CADPS: variants seen among roughly 807,000 people sequenced by gnomAD.
CADPS encodes the protein calcium-dependent secretion activator 1.
Under a neutral mutation model 167.3 loss-of-function variants are expected in CADPS, and 57 were observed. The ratio of observed to expected loss-of-function variants is 0.34; its 90% CI spans 0.28 to 0.42. CADPS has a LOEUF of 0.42. Among genes scored for constraint, CADPS ranks in the 20% least tolerant of loss-of-function variants. The probability of loss-of-function intolerance (pLI) is 1.00; values close to 1 mark genes in which losing one functional copy is unlikely to be tolerated. For synonymous variants in CADPS, 676 were observed against 635.3 expected (o/e 1.06, Z -0.96); for missense variants, 1,414 against 1,738.1 (o/e 0.81, Z 3.32).
chr3:62,837,705 A>G (rs138691655), intron 1 of CADPS, among the ~76,000 whole-genome samples: 2 of 152,192 alleles, frequency 1.3e-5, no homozygotes, highest in African/African-American at 4.8e-5. Flanking sequence ...AGCACATCCT[A>G]TCATAGAGCA....
rs897693324 is a variant in CADPS, at chr3:62,514,378, A to C, written c.2582-1610T>G. On this transcript the variant is annotated intron_variant, in intron 16 of 29. Transcript: ENST00000383710. The surrounding 1 kb of genome is among the most constrained non-coding windows in gnomAD (Gnocchi z 4.2). ...CAGCCACTTTTGCAGAGGTCACATT[A>C]AAGTGGCTGAGCCAATCACGGACAA... Among the ~76,000 whole-genome samples the C allele has an allele frequency of 5.3e-5, 8 of 152,234 alleles. No individual in the cohort carries two copies. Among genetic ancestry groups the C allele is most frequent in the African/African-American group, 1.9e-4 (8 of 41,562 alleles).
intron 27 of CADPS, among the ~76,000 whole-genome samples, chr3:62,443,275 G>T (rs2056662306): frequency 6.6e-6 from 1 of 152,190 alleles, no homozygotes; most frequent in African/African-American, 2.4e-5. Context: ...TTATTGTGAA[G>T]ATAAAATGTA....
At chr3:62,680,969 T>G (rs952091907) in intron 3 of CADPS, among the ~76,000 whole-genome samples, 3 of 152,030 alleles carry the variant, frequency 2.0e-5, no homozygotes, top group Admixed American at 6.5e-5. Context: ...CTGGGCTCAG[T>G]GCCCACCTTT....
intron 17 of CADPS, among the ~76,000 whole-genome samples, chr3:62,500,865 G>C (rs768157650): frequency 6.6e-6 from 1 of 152,112 alleles, no homozygotes; most frequent in Admixed American, 6.5e-5. Context: ...AACATATCAG[G>C]TCATTAGTAA....
At position 62,438,715 on chromosome 3, in the gene CADPS, T is replaced by TTG. The variant is rs34771903; in HGVS notation, c.3670-506_3670-505dup. ...TATACCTCTTCCTACCCAAGTCTCATTGTGTGTGTGTGTGTGTGTGTGTGT... is the reference window on the plus strand; with the variant it reads ...TATACCTCTTCCTACCCAAGTCTCATTGTGTGTGTGTGTGTGTGTGTGTGTGT... On this transcript the variant is annotated intron_variant, in intron 27 of 29. Transcript: ENST00000383710. The surrounding 1 kb of genome is among the most constrained non-coding windows in gnomAD (Gnocchi z 4.7). 6,742 of 144,164 alleles carry TTG rather than the reference T, an allele frequency of 0.047. 156 individuals carry two copies. The highest frequency in any genetic ancestry group is 0.065 in the Admixed American group (935 of 14,434). 8.9% of individuals were successfully genotyped at this position (144,164 alleles called of 1,614,324 possible).
intron 4 of CADPS, among the ~76,000 whole-genome samples, chr3:62,658,637 G>A (rs2072345467): frequency 6.6e-6 from 1 of 152,084 alleles, no homozygotes; most frequent in Non-Finnish European, 1.5e-5. Context: ...AAAACACTAG[G>A]TAAGTGATAG....
chr3:62,770,454 C>G (rs1393339967), intron 1 of CADPS, among the ~76,000 whole-genome samples: 1 of 152,154 alleles, frequency 6.6e-6, no homozygotes, highest in African/African-American at 2.4e-5. Context: ...GAGACAGAGT[C>G]TTGCTCTGTT....
intron 8 of CADPS, among the ~76,000 whole-genome samples, chr3:62,578,871 G>A (rs905741069): frequency 6.6e-6 from 1 of 152,106 alleles, no homozygotes; most frequent in East Asian, 1.9e-4. Context: ...AAACACTAAA[G>A]ATATTTGATT....
At chr3:62,489,753 T>C (rs1482506567) in intron 21 of CADPS, among the ~76,000 whole-genome samples, 1 of 152,236 alleles carries the variant, frequency 6.6e-6, no homozygotes, top group Admixed American at 6.5e-5. Flanking sequence ...AAGACCATTG[T>C]TATTTTAAAA....
At chr3:62,859,645 A>G (rs1190142289) in intron 1 of CADPS, among the ~76,000 whole-genome samples, 1 of 152,074 alleles carries the variant, frequency 6.6e-6, no homozygotes, top group South Asian at 2.1e-4. Context: ...GAAAGAAGAC[A>G]GTAGAAAGAA....
At chr3:62,669,401 A>G (rs1028250899) in intron 3 of CADPS, among the ~76,000 whole-genome samples, 51 of 152,340 alleles carry the variant, frequency 3.3e-4, no homozygotes, top group African/African-American at 1.1e-3. Flanking sequence ...CAGCTGGGAC[A>G]GTGTCAGTTC....
chr3:62,771,936 T>C (rs1290873617), intron 1 of CADPS, among the ~76,000 whole-genome samples: 2 of 152,202 alleles, frequency 1.3e-5, no homozygotes, highest in Non-Finnish European at 2.9e-5. Context: ...AATGCTGAAG[T>C]CAGAGCAAGC....
intron 3 of CADPS, among the ~76,000 whole-genome samples, chr3:62,686,609 C>T (rs555812152): frequency 2.2e-4 from 34 of 151,920 alleles, no homozygotes; most frequent in Non-Finnish European, 4.3e-4. Context: ...CTAACATAAT[C>T]CCCATATTTC....
intron 2 of CADPS, among the ~76,000 whole-genome samples, chr3:62,756,785 C>A (rs1353509684): frequency 6.6e-6 from 1 of 152,084 alleles, no homozygotes; most frequent in African/African-American, 2.4e-5. Flanking sequence ...CGTGTGAAGA[C>A]CCCAAGTGCC....
At chr3:62,585,747 G>A (rs536146666) in intron 7 of CADPS, among the ~76,000 whole-genome samples, 3 of 152,294 alleles carry the variant, frequency 2.0e-5, no homozygotes, top group African/African-American at 7.2e-5. Context: ...TTCAAGAGGA[G>A]AAATTCCTCA....
chr3:62,727,342 C>G (rs1284031792), intron 3 of CADPS, among the ~76,000 whole-genome samples: 3 of 151,856 alleles, frequency 2.0e-5, no homozygotes, highest in Non-Finnish European at 4.4e-5. Context: ...AAGGCAGACA[C>G]AAGAGGGTAG....
intron 26 of CADPS, among the ~76,000 whole-genome samples, chr3:62,463,480 T>C (rs546232809): frequency 8.5e-5 from 13 of 152,318 alleles, no homozygotes; most frequent in African/African-American, 2.6e-4. Flanking sequence ...GAATGAAACA[T>C]TGTCTAATAT....
At chr3:62,779,227 T>C (rs1018643085) in intron 1 of CADPS, 54 of 299,392 alleles carry the variant, frequency 1.8e-4, no homozygotes, top group Non-Finnish European at 3.4e-4. Flanking sequence ...TGGAGTGTTT[T>C]GACCCTTCTG....
At chr3:62,691,236 A>T (rs1028349345) in intron 3 of CADPS, among the ~76,000 whole-genome samples, 2 of 152,098 alleles carry the variant, frequency 1.3e-5, no homozygotes, top group Non-Finnish European at 2.9e-5. Flanking sequence ...ATATCATGTC[A>T]TGATGGTAGA....
Sources: gnomAD v4.1 joint callset for allele counts (sites outside exome capture counted in the v4.1 genomes callset) on GRCh38, gnomAD v4.1.1 for gene constraint, Gnocchi (gnomAD v3.1) non-coding constraint, MANE v1.5 for transcripts, NCBI Gene and HGNC (gene_info 2026-07-23, HGNC 2026-07-21) for gene names.